The following CDIP1 variants were observed in gnomAD, a reference collection of about 807,000 sequenced individuals.
CDIP1 encodes cell death-inducing p53-target protein 1.
In CDIP1, 9 loss-of-function variants were observed where a neutral mutation model predicts 17.7. The observed-to-expected ratio is 0.51, with a 90% CI of 0.31 to 0.89. CDIP1 has a LOEUF of 0.89. Among genes scored for constraint, CDIP1 ranks in the 40% least tolerant of loss-of-function variants. The pLI is 0.05. For missense variants in CDIP1, 263 were observed against 277.9 expected, an observed-to-expected ratio of 0.95 and a Z score of 0.38; for synonymous variants, 117 against 109.5, an observed-to-expected ratio of 1.07 and a Z score of -0.43.
Position 4,512,899 on chromosome 16 carries a change from G to A in CDIP1, c.407C>T (p.Ala136Val), listed in dbSNP as rs1361099123. Reference protein sequence around the residue: ...TVLQGEIFEGAPVQTVCPHCQ... With the variant: ...TVLQGEIFEGVPVQTVCPHCQ... ...GTGGGGACACACCGTCTGCACAGGCGCTCCCTCAAAGATCTCTCCCTGCAG... is the reference window on the plus strand; with the variant it reads ...GTGGGGACACACCGTCTGCACAGGCACTCCCTCAAAGATCTCTCCCTGCAG... Residue 136 changes from alanine to valine, a missense_variant, in exon 5 of 6, where the codon GCG (alanine) becomes GTG (valine). Physicochemically the swap from Ala to Val is moderately conservative, Grantham distance 64 (BLOSUM62 0). Transcript: ENST00000567695. The surrounding 1 kb of genome is among the most constrained non-coding windows in gnomAD (Gnocchi z 4.6). 19 of 1,569,814 alleles carry A rather than the reference G, an allele frequency of 1.2e-5. No individual in the cohort carries two copies. The highest frequency in any genetic ancestry group is 1.9e-5 in the Admixed American group (1 of 52,050).
At chr16:4,536,506 T>G (rs2059107291) in intron 1 of CDIP1, 2 of 152,230 alleles carry the variant, frequency 1.3e-5, no homozygotes, top group African/African-American at 4.8e-5. Context: ...CGTGATCTGC[T>G]GGGGCAAGCT....
At chr16:4,523,070 G>A (rs917922388) in intron 1 of CDIP1, among the ~76,000 whole-genome samples, 2 of 152,202 alleles carry the variant, frequency 1.3e-5, no homozygotes, top group South Asian at 2.1e-4. Context: ...TAGCTGTTCC[G>A]CCTATTCTCC....
intron 1 of CDIP1, among the ~76,000 whole-genome samples, chr16:4,523,418 G>T (rs147475720): frequency 1.7e-3 from 261 of 152,240 alleles, no homozygotes; most frequent in African/African-American, 5.1e-3. Flanking sequence ...GGAGGCTGAG[G>T]TAGGAGAATC....
chr16:4,522,039 G>C (rs948355018), intron 1 of CDIP1, among the ~76,000 whole-genome samples: 103 of 152,322 alleles, frequency 6.8e-4, no homozygotes, highest in African/African-American at 2.5e-3. Context: ...CCAACGAGGG[G>C]TCCTGGTGCA....
Position 4,521,794 on chromosome 16 carries a change from C to T in CDIP1, c.-104-7130G>A, listed in dbSNP as rs541594863. 2.0e-3 allele frequency among the ~76,000 whole-genome samples: 305 copies of T among 151,448 alleles called. 16 individuals are homozygous for T. The South Asian group carries it at 0.062, about 31-fold the overall frequency. The stretch of plus-strand genomic sequence containing the variant: ...CAAGACCCACCACTTTCCAGCTGAG[C>T]GAGCTGAGCCTCGGTTTCTTCCTCT... On this transcript the variant is annotated intron_variant, in intron 1 of 5. Coordinates refer to ENST00000567695, the MANE Select transcript of CDIP1 (RefSeq NM_013399.3).
intron 1 of CDIP1, among the ~76,000 whole-genome samples, chr16:4,526,463 G>A (rs1466886658): frequency 6.6e-6 from 1 of 152,018 alleles, no homozygotes; most frequent in Non-Finnish European, 1.5e-5. Context: ...CACTTTGGGA[G>A]GCCAAGGCAG....
In CDIP1 at chr16:4,513,140, C is replaced by T; in HGVS notation, c.242-76G>A. The T allele has an allele frequency of 7.2e-7, 1 of 1,390,990 alleles. No individual in the cohort carries two copies. 86.2% of individuals were successfully genotyped at this position (1,390,990 alleles called of 1,614,324 possible). ...ACCAGACAAAGAGATTGGCGCAAAGCCCCACGGTCCACAGCGCCCAGCGTG... is the reference window on the plus strand; with the variant it reads ...ACCAGACAAAGAGATTGGCGCAAAGTCCCACGGTCCACAGCGCCCAGCGTG... On this transcript the variant is annotated intron_variant, in intron 4 of 5. Transcript: ENST00000567695. This position sits in a 1 kb window ranked among gnomAD's most constrained non-coding sequence, Gnocchi z 4.1.
At chr16:4,524,725 T>C (rs1043802978) in intron 1 of CDIP1, among the ~76,000 whole-genome samples, 5 of 152,202 alleles carry the variant, frequency 3.3e-5, no homozygotes, top group African/African-American at 1.2e-4. Context: ...ACCTCCCACA[T>C]CTTCCACATG....
chr16:4,537,749 C>G (rs1460570302), intron 1 of CDIP1, among the ~76,000 whole-genome samples: 1 of 152,246 alleles, frequency 6.6e-6, no homozygotes, highest in Non-Finnish European at 1.5e-5. Flanking sequence ...GGTTCTGACG[C>G]AGAGGATCTT....
intron 1 of CDIP1, among the ~76,000 whole-genome samples, chr16:4,518,935 T>C (rs920926046): frequency 1.3e-5 from 2 of 152,124 alleles, no homozygotes; most frequent in African/African-American, 4.8e-5. Flanking sequence ...TCTGCCCAGT[T>C]CCCAACAGAG....
intron 1 of CDIP1, among the ~76,000 whole-genome samples, chr16:4,528,527 T>G (rs2059023436): frequency 6.6e-6 from 1 of 151,992 alleles, no homozygotes; most frequent in Non-Finnish European, 1.5e-5. Context: ...CTCAAAATGC[T>G]CATTATAAGT....
At position 4,538,733 on chromosome 16, in the gene CDIP1, C is replaced by A. The variant is rs2141670510; in HGVS notation, c.-136G>T. Reference sequence around the variant, plus strand: ...CGCAGCCCTGGGGCAGCGGCCGCAACAGCAGGACCGAACGCCTCGGCAGCT... The same window carrying A: ...CGCAGCCCTGGGGCAGCGGCCGCAAAAGCAGGACCGAACGCCTCGGCAGCT... On this transcript the variant is annotated 5_prime_UTR_variant, in exon 1 of 6. Transcript: ENST00000567695. 1 of 152,404 alleles carries A rather than the reference C, an allele frequency of 6.6e-6. No individual in the cohort carries two copies. Among genetic ancestry groups the A allele is most frequent in the East Asian group, 1.9e-4 (1 of 5,182 alleles). The allele number at this position is 152,404 out of a possible 1,614,324, so 9.4% of individuals were successfully genotyped here.
At chr16:4,520,554 G>C (rs780621470) in intron 1 of CDIP1, among the ~76,000 whole-genome samples, 46 of 152,046 alleles carry the variant, frequency 3.0e-4, no homozygotes, top group Non-Finnish European at 4.3e-4. Context: ...ATCATGTGTG[G>C]GTCACCTGAA....
intron 1 of CDIP1, among the ~76,000 whole-genome samples, chr16:4,526,087 G>C (rs375279842): frequency 6.6e-6 from 1 of 152,134 alleles, no homozygotes; most frequent in Non-Finnish European, 1.5e-5. Flanking sequence ...GCTCCTCCTC[G>C]ACCATGATGA....
At chr16:4,537,526 G>C (rs980285086) in intron 1 of CDIP1, among the ~76,000 whole-genome samples, 2 of 152,178 alleles carry the variant, frequency 1.3e-5, no homozygotes, top group African/African-American at 4.8e-5. Context: ...TCAGGCCCCA[G>C]AATACAGAAG....
chr16:4,534,170 C>G (rs1288432656), intron 1 of CDIP1, among the ~76,000 whole-genome samples: 1 of 151,932 alleles, frequency 6.6e-6, no homozygotes, highest in Non-Finnish European at 1.5e-5. Context: ...AGGCTGGTCT[C>G]GAACTCCTGA....
rs772821538 is a variant in CDIP1 at position 4,512,468 on chromosome 16, C to T, written c.*104G>A. On this transcript the variant is annotated 3_prime_UTR_variant, in exon 6 of 6. Coordinates refer to ENST00000567695, the MANE Select transcript of CDIP1 (RefSeq NM_013399.3). The surrounding 1 kb of genome is among the most constrained non-coding windows in gnomAD (Gnocchi z 4.6). ...ACAGGACTTCTAGGGGATGGTGGCA[C>T]GGCTCCCAGCCCCAAGTGGGAGCGG... 12 of 820,216 alleles carry T rather than the reference C, an allele frequency of 1.5e-5. No individual in the cohort carries two copies. The highest frequency in any genetic ancestry group is 4.0e-5 in the Admixed American group (2 of 50,344). The allele number at this position is 820,216 out of a possible 1,614,324, so 50.8% of individuals were successfully genotyped here.
At chr16:4,529,532 A>G (rs761321446) in intron 1 of CDIP1, among the ~76,000 whole-genome samples, 1 of 152,142 alleles carries the variant, frequency 6.6e-6, no homozygotes, top group Non-Finnish European at 1.5e-5. Flanking sequence ...GCAGAGCAAA[A>G]GGAAAAAATC....
In CDIP1 at chr16:4,513,845, G is replaced by T; in HGVS notation, c.92C>A (p.Ser31Tyr). Residue 31 changes from serine to tyrosine, a missense_variant, in exon 4 of 6, where the codon TCC (serine) becomes TAC (tyrosine). Ser to Tyr is a moderately radical substitution (Grantham distance 144). Transcript: ENST00000567695. This position sits in a 1 kb window ranked among gnomAD's most constrained non-coding sequence, Gnocchi z 4.1. ...KSGAPPTPGR[S>Y]SPAVMQPPPG... ...AGGGGGCTGCATCACAGCTGGGGAG[G>T]AACGGCCTGGACAGAGAGAGGCAGA... The T allele has an allele frequency of 6.3e-7, 1 of 1,578,980 alleles. No individual in the cohort carries two copies. The highest frequency in any genetic ancestry group is 1.3e-5 in the African/African-American group (1 of 74,206).
Sources: allele counts gnomAD v4.1 joint callset (sites outside exome capture counted in the v4.1 genomes callset), GRCh38; gene constraint gnomAD v4.1.1; non-coding constraint Gnocchi (gnomAD v3.1); transcripts MANE v1.5; gene names NCBI Gene and HGNC (gene_info 2026-07-23, HGNC 2026-07-21).